DPAGT1: variants seen among roughly 807,000 people sequenced by gnomAD.
DPAGT1 encodes UDP-N-acetylglucosamine--dolichyl-phosphate N-acetylglucosaminephosphotransferase.
A neutral mutation model predicts 39.3 loss-of-function variants in DPAGT1; 25 were observed. The ratio of observed to expected loss-of-function variants is 0.64; its 90% CI spans 0.46 to 0.89. The LOEUF (loss-of-function observed/expected upper bound fraction) is 0.89. DPAGT1 is among the 40% of genes least tolerant of loss of function. DPAGT1 has a pLI of 0.00. For synonymous variants in DPAGT1, 193 were observed against 201.4 expected, an observed-to-expected ratio of 0.96 and a Z score of 0.36; for missense variants, 381 against 500.6, an observed-to-expected ratio of 0.76 and a Z score of 2.28.
chr11:119,101,077 G>A lies in DPAGT1; in HGVS notation c.223C>T (p.Pro75Ser), dbSNP rs772065692. 1 of 1,614,192 alleles carries A rather than the reference G, an allele frequency of 6.2e-7. No individual in the cohort carries two copies. Among genetic ancestry groups the A allele is most frequent in the Non-Finnish European group, 8.5e-7 (1 of 1,180,046 alleles). ...ACAAAGCAGTTCAGGAAGGGGAAAG[G>A]GATGAAGCAGAAGAGGATGATAAGG... Reference protein sequence around the residue: ...VFLIILFCFIPFPFLNCFVKE... With the variant: ...VFLIILFCFISFPFLNCFVKE... Residue 75 changes from proline to serine, a missense_variant, in exon 2 of 9, where the codon CCT (proline) becomes TCT (serine). By Grantham distance (74) the Pro-to-Ser change is moderately conservative (BLOSUM62 -1). Coordinates refer to ENST00000354202, the MANE Select transcript of DPAGT1 (RefSeq NM_001382.4).
At chr11:119,098,378 TC>T (rs1167328155) in intron 5 of DPAGT1, 24 bp downstream of exon 5, 1 of 1,608,060 alleles carries the variant, frequency 6.2e-7, no homozygotes. Flanking sequence ...CAGGTAGTTG[TC>T]CCCTTATCCA....
chr11:119,101,218 C>T, intron 1 of DPAGT1, 80 bp from the exon 2 acceptor site: 1 of 1,598,344 alleles, frequency 6.3e-7, no homozygotes, highest in Non-Finnish European at 8.5e-7. Context: ...TACAGTAACC[C>T]AAAGTGGTCT....
In DPAGT1 at chr11:119,101,642, G is replaced by A. The variant is rs764519878; in HGVS notation, c.14C>T (p.Ser5Leu). The change falls in exon 1 of 9, where the codon TCG (serine) becomes TTG (leucine). Residue 5 changes from serine to leucine, a missense_variant. By Grantham distance (145) the Ser-to-Leu change is moderately radical (BLOSUM62 -2). Coordinates refer to ENST00000354202, the MANE Select transcript of DPAGT1 (RefSeq NM_001382.4). ...GATCAGCAGCGGCATGGGCAATTCC[G>A]AGAAGGCCCACATGGTGACCGGTCA... Reference protein sequence around the residue: MWAFSELPMPLLINL... With the variant: MWAFLELPMPLLINL... 20 of 1,614,168 alleles carry A rather than the reference G, an allele frequency of 1.2e-5. No homozygotes were observed. The highest frequency in any genetic ancestry group is 1.7e-5 in the Non-Finnish European group (20 of 1,180,050).
In DPAGT1 at chr11:119,101,663, G is replaced by T; in HGVS notation, c.-8C>A. ...TTCCGAGAAGGCCCACATGGTGACC[G>T]GTCAGGGGCCCGGCTCCGCCGCCTC... On this transcript the variant is annotated 5_prime_UTR_variant, in exon 1 of 9. Transcript: ENST00000354202. 1 of 1,614,236 alleles carries T rather than the reference G, an allele frequency of 6.2e-7. No homozygotes were observed. Among genetic ancestry groups the T allele is most frequent in the Admixed American group, 1.7e-5 (1 of 60,030 alleles).
chr11:119,096,884 G>T lies in DPAGT1; in HGVS notation c.*114C>A. 2 of 1,197,128 alleles carry T rather than the reference G, an allele frequency of 1.7e-6. No individual in the cohort carries two copies. The highest frequency in any genetic ancestry group is 2.4e-6 in the Non-Finnish European group (2 of 821,060). The allele number at this position is 1,197,128 out of a possible 1,614,324, so 74.2% of individuals were successfully genotyped here. On this transcript the variant is annotated 3_prime_UTR_variant, in exon 9 of 9. Transcript: ENST00000354202. Reference sequence around the variant, plus strand: ...AAAATGCTGAGAACAAAATCTGGAGGAGTATGAAGAGTGAGAGAGGCCTGG... The same window carrying T: ...AAAATGCTGAGAACAAAATCTGGAGTAGTATGAAGAGTGAGAGAGGCCTGG...
At position 119,101,547 on chromosome 11, in the gene DPAGT1, T is replaced by G. The variant is rs201932882; in HGVS notation, c.109A>C (p.Ile37Leu). ...TLIPAFRGHFIAARLCGQDLN... is the reference protein window; with the variant it reads ...TLIPAFRGHFLAARLCGQDLN... ...TCCTGACCACAGAGGCGCGCAGCAA[T>G]GAAGTGGCCCCGGAAGGCCGGGATG... is the stretch of plus-strand genomic sequence containing the variant. The change falls in exon 1 of 9, where the codon ATT (isoleucine) becomes CTT (leucine). Residue 37 changes from isoleucine (I) to leucine (L), a missense_variant. Coordinates refer to ENST00000354202, the MANE Select transcript of DPAGT1 (RefSeq NM_001382.4). 6.2e-7 allele frequency: 1 copy of G among 1,614,208 alleles called. No individual in the cohort carries two copies. Among genetic ancestry groups the G allele is most frequent in the Non-Finnish European group, 8.5e-7 (1 of 1,180,032 alleles).
downstream of DPAGT1, chr11:119,094,634 C>G (rs1272226518): frequency 4.8e-6 from 1 of 207,874 alleles, no homozygotes; most frequent in African/African-American, 2.3e-5. Flanking sequence ...GGCCTCCCCC[C>G]GGCAGGCTCG....
intron 1 of DPAGT1, 111 bp downstream of exon 1, chr11:119,101,384 G>A: frequency 6.3e-7 from 1 of 1,590,488 alleles, no homozygotes; most frequent in Non-Finnish European, 8.6e-7. Flanking sequence ...CAGGCTGCCT[G>A]GGTTAGTTCT....
downstream of DPAGT1, chr11:119,095,440 C>A (rs28990979): frequency 6.9e-7 from 1 of 1,455,180 alleles, no homozygotes. Flanking sequence ...AACACTAGAA[C>A]AGACGCCCGC....
chr11:119,095,411 G>C, downstream of DPAGT1: 2 of 1,514,806 alleles, frequency 1.3e-6, no homozygotes, highest in Non-Finnish European at 1.8e-6. Context: ...GAGGTAGACC[G>C]GTGAAGCACG....
downstream of DPAGT1, chr11:119,095,007 G>A: frequency 1.9e-6 from 3 of 1,612,918 alleles, no homozygotes; most frequent in Non-Finnish European, 2.5e-6. Flanking sequence ...CCGCCCGAGG[G>A]CGCCTTCGGC....
At chr11:119,094,459 C>T (rs1287553024), downstream of DPAGT1, 1 of 152,432 alleles carries the variant, frequency 6.6e-6, no homozygotes, top group Admixed American at 6.5e-5. Flanking sequence ...GCCTCACTCA[C>T]CTTCAGGGCC....
chr11:119,098,224 G>T, intron 5 of DPAGT1, 179 bp downstream of exon 5: 1 of 1,081,012 alleles, frequency 9.3e-7, no homozygotes. Flanking sequence ...GGGCCTCCAC[G>T]CACTCATCCC....
In DPAGT1 at chr11:119,096,946, C is replaced by T; in HGVS notation, c.*52G>A. ...GTCTGGGACCAGAGAGAGAGGTCAG[C>T]CTGAGTCAGGAATCCTAGAGACTGT... On this transcript the variant is annotated 3_prime_UTR_variant, in exon 9 of 9. Coordinates refer to ENST00000354202, the MANE Select transcript of DPAGT1 (RefSeq NM_001382.4). The T allele has an allele frequency of 6.2e-7, 1 of 1,604,588 alleles. No homozygotes were observed. The highest frequency in any genetic ancestry group is 1.1e-5 in the South Asian group (1 of 90,194).
downstream of DPAGT1, chr11:119,095,490 C>G (rs1342018367): frequency 1.5e-6 from 2 of 1,306,368 alleles, no homozygotes; most frequent in Non-Finnish European, 2.0e-6. Flanking sequence ...GCGAGGCCGC[C>G]TTTATAAGCC....
At chr11:119,100,467 A>T (rs141702694) in intron 3 of DPAGT1, 59 bp from the exon 4 acceptor site, 1 of 1,613,200 alleles carries the variant, frequency 6.2e-7, no homozygotes, top group African/African-American at 1.3e-5. Flanking sequence ...GGATTTAAGA[A>T]TTTTTAGAAA....
intron 4 of DPAGT1, 61 bp downstream of exon 4, chr11:119,100,201 A>G (rs1946472874): frequency 1.9e-6 from 3 of 1,612,130 alleles, no homozygotes; most frequent in Non-Finnish European, 8.5e-7. Context: ...TCCCAAAGTC[A>G]TATATCAGGC....
intron 4 of DPAGT1, 96 bp downstream of exon 4, chr11:119,100,166 G>T: frequency 1.9e-6 from 3 of 1,555,020 alleles, no homozygotes; most frequent in Non-Finnish European, 2.7e-6. Context: ...TAATTACTAT[G>T]CATATTGCTT....
intron 5 of DPAGT1, 144 bp downstream of exon 5, chr11:119,098,259 T>C: frequency 8.6e-7 from 1 of 1,162,580 alleles, no homozygotes; most frequent in East Asian, 2.3e-5. Context: ...TAGAGAGAAA[T>C]TTCAGAATAC....
Sources: gnomAD v4.1 joint callset for allele counts on GRCh38, gnomAD v4.1.1 for gene constraint, MANE v1.5 for transcripts, NCBI Gene and HGNC (gene_info 2026-07-23, HGNC 2026-07-21) for gene names.